The following ACSS3 variants were observed in gnomAD, a reference collection of about 807,000 sequenced individuals.
The protein encoded by ACSS3 is acyl-CoA synthetase short chain family member 3.
Under a neutral mutation model 84.2 loss-of-function variants are expected in ACSS3, and 64 were observed. That is an observed-to-expected ratio of 0.76 (90% CI 0.62 to 0.94). The LOEUF (loss-of-function observed/expected upper bound fraction) is 0.94, where lower values mean the gene tolerates loss of function less well. Ranked by LOEUF, ACSS3 falls within the 40% of genes least tolerant of loss-of-function variation. The pLI is 0.00. For missense variants in ACSS3, 815 were observed against 867.6 expected, an observed-to-expected ratio of 0.94 and a Z score of 0.76; for synonymous variants, 317 against 310.1, an observed-to-expected ratio of 1.02 and a Z score of -0.23.
intron 2 of ACSS3, among the ~76,000 whole-genome samples, chr12:81,121,970 G>T (rs1884652018): frequency 2.0e-5 from 3 of 148,354 alleles, no homozygotes; most frequent in Admixed American, 1.3e-4. Flanking sequence ...GTCTTGCTCT[G>T]CTGCCCAGAC....
chr12:81,192,250 G>A (rs879201589), intron 8 of ACSS3, among the ~76,000 whole-genome samples: 7 of 151,634 alleles, frequency 4.6e-5, no homozygotes, highest in Non-Finnish European at 7.4e-5. Flanking sequence ...ACATGGTGGC[G>A]GGTGCCTGTA....
At chr12:81,231,849 G>T (rs1012099847) in intron 12 of ACSS3, among the ~76,000 whole-genome samples, 1 of 151,498 alleles carries the variant, frequency 6.6e-6, no homozygotes, top group African/African-American at 2.4e-5. Flanking sequence ...TCTTTCTGTT[G>T]TCCCTCTACT....
intron 8 of ACSS3, among the ~76,000 whole-genome samples, chr12:81,194,533 A>C (rs2031735012): frequency 6.6e-6 from 1 of 151,936 alleles, no homozygotes; most frequent in South Asian, 2.1e-4. Flanking sequence ...ATAAATAGTA[A>C]AGTGATTTTA....
chr12:81,139,232 A>C lies in ACSS3; in HGVS notation c.747A>C (p.Pro249=). ...EEALKIGQHK[P]DKILIYNRPN... ...CGCTAAAAATAGGACAACACAAACCAGACAAAATTCTCATTTATAATCGTC... is the reference window on the plus strand; with the variant it reads ...CGCTAAAAATAGGACAACACAAACCCGACAAAATTCTCATTTATAATCGTC... Residue 249 remains proline, a synonymous_variant, in exon 4 of 16, where the codon CCA becomes CCC. Transcript: ENST00000548058. 6.2e-7 allele frequency: 1 copy of C among 1,614,036 alleles called. No homozygotes were observed. Among genetic ancestry groups the C allele is most frequent in the Non-Finnish European group, 8.5e-7 (1 of 1,179,944 alleles).
chr12:81,198,333 A>G (rs764942942), intron 8 of ACSS3, among the ~76,000 whole-genome samples: 3 of 152,218 alleles, frequency 2.0e-5, no homozygotes, highest in African/African-American at 7.2e-5. Flanking sequence ...CTAGAATGAG[A>G]TACATGTTCA....
At chr12:81,232,116 G>A (rs996345415) in intron 12 of ACSS3, among the ~76,000 whole-genome samples, 1 of 151,782 alleles carries the variant, frequency 6.6e-6, no homozygotes, top group African/African-American at 2.4e-5. Flanking sequence ...ATAGAGTGTG[G>A]CAGGGAAGAT....
At chr12:81,213,404 A>G (rs1177040453) in intron 9 of ACSS3, among the ~76,000 whole-genome samples, 1 of 152,136 alleles carries the variant, frequency 6.6e-6, no homozygotes, top group African/African-American at 2.4e-5. Flanking sequence ...GTTCAGAGGT[A>G]CAAAGAAGGA....
intron 2 of ACSS3, among the ~76,000 whole-genome samples, chr12:81,123,736 C>A (rs1472728676): frequency 6.6e-6 from 1 of 152,168 alleles, no homozygotes. Flanking sequence ...TTTTCTGTCT[C>A]TGTGTTAATT....
intron 7 of ACSS3, among the ~76,000 whole-genome samples, chr12:81,171,442 T>A (rs1228795769): frequency 6.6e-6 from 1 of 152,166 alleles, no homozygotes; most frequent in Non-Finnish European, 1.5e-5. Flanking sequence ...AATATTAAGT[T>A]AATTTTAAAT....
At chr12:81,186,855 G>A (rs1023670834) in intron 8 of ACSS3, among the ~76,000 whole-genome samples, 1 of 151,778 alleles carries the variant, frequency 6.6e-6, no homozygotes, top group African/African-American at 2.4e-5. Context: ...TCCGTCTTCT[G>A]GGTATATACT....
intron 8 of ACSS3, among the ~76,000 whole-genome samples, chr12:81,178,227 C>T (rs989485833): frequency 8.0e-5 from 12 of 149,942 alleles, no homozygotes; most frequent in Admixed American, 3.3e-4. Flanking sequence ...AAAAACCAAA[C>T]ACCGCATGTT....
At chr12:81,218,313 T>C (rs982919516) in intron 10 of ACSS3, among the ~76,000 whole-genome samples, 2 of 152,218 alleles carry the variant, frequency 1.3e-5, no homozygotes, top group African/African-American at 4.8e-5. Flanking sequence ...TTTGGCTTAG[T>C]AGACCTATGA....
At chr12:81,157,225 C>G (rs1336110958) in intron 7 of ACSS3, among the ~76,000 whole-genome samples, 1 of 152,108 alleles carries the variant, frequency 6.6e-6, no homozygotes, top group East Asian at 1.9e-4. Context: ...TCAAGGTAAT[C>G]TACCATATTA....
chr12:81,109,394 G>A (rs984670927), intron 1 of ACSS3, among the ~76,000 whole-genome samples, 166 bp from the exon 2 acceptor site: 60 of 152,210 alleles, frequency 3.9e-4, no homozygotes, highest in African/African-American at 1.4e-3. Flanking sequence ...AGTATACTGT[G>A]TACCATCTTA....
chr12:81,090,256 C>T (rs2121323955), intron 1 of ACSS3, among the ~76,000 whole-genome samples: 1 of 152,032 alleles, frequency 6.6e-6, no homozygotes, highest in Middle Eastern at 3.4e-3. Context: ...GTGGTTCTTT[C>T]CTAAAAAGCA....
intron 10 of ACSS3, 31 bp downstream of exon 10, chr12:81,217,027 T>C (rs754665509): frequency 6.4e-7 from 1 of 1,573,308 alleles, no homozygotes; most frequent in South Asian, 1.1e-5. Context: ...TACGTAAAGT[T>C]AATAAATTTG....
intron 9 of ACSS3, among the ~76,000 whole-genome samples, chr12:81,200,279 A>G (rs2032040817): frequency 6.6e-6 from 1 of 152,208 alleles, no homozygotes; most frequent in African/African-American, 2.4e-5. Context: ...GAAAGCAGCT[A>G]TGAGCCATGG....
intron 8 of ACSS3, among the ~76,000 whole-genome samples, chr12:81,195,833 G>A (rs761582425): frequency 7.9e-5 from 12 of 152,014 alleles, no homozygotes; most frequent in African/African-American, 1.7e-4. Flanking sequence ...CAGGACACGC[G>A]AATTTTACCT....
At chr12:81,174,266 G>T (rs193046901) in intron 7 of ACSS3, among the ~76,000 whole-genome samples, 27 of 152,158 alleles carry the variant, frequency 1.8e-4, no homozygotes, top group African/African-American at 6.5e-4. Flanking sequence ...ATGCACTTTG[G>T]CACATCTTAT....
Sources: gnomAD v4.1 joint callset for allele counts (sites outside exome capture counted in the v4.1 genomes callset) on GRCh38, gnomAD v4.1.1 for gene constraint, MANE v1.5 for transcripts, NCBI Gene and HGNC (gene_info 2026-07-23, HGNC 2026-07-21) for gene names.